Variants in MXD1 observed in about 807,000 individuals in gnomAD.
MXD1 encodes the protein MAX-binding protein.
Under a neutral mutation model 25.7 loss-of-function variants are expected in MXD1, and 9 were observed. The observed-to-expected ratio is 0.35, with a 90% CI of 0.21 to 0.61. The LOEUF is 0.61. Ranked by LOEUF, MXD1 falls within the 20% of genes least tolerant of loss-of-function variation. MXD1 has a pLI of 0.75. For missense variants in MXD1, 227 were observed against 292.4 expected, an observed-to-expected ratio of 0.78 and a Z score of 1.63; for synonymous variants, 99 against 113.9, an observed-to-expected ratio of 0.87 and a Z score of 0.83.
rs1366705293 is a variant in MXD1, at chr2:69,939,877, C to T, written c.*1593C>T. 2 of 152,542 alleles carry T rather than the reference C, an allele frequency of 1.3e-5. No individual in the cohort carries two copies. The highest frequency in any genetic ancestry group is 6.5e-5 in the Admixed American group (1 of 15,290). The allele number at this position is 152,542 out of a possible 1,614,324, so 9.4% of individuals were successfully genotyped here. ...CGCACACCACAGCCTGAAGCTCCCC[C>T]AGCGCCTGCACCTCGCACACAGCTA... is the stretch of plus-strand genomic sequence containing the variant. On this transcript the variant is annotated 3_prime_UTR_variant, in exon 6 of 6. Coordinates refer to ENST00000264444, the MANE Select transcript of MXD1 (RefSeq NM_002357.4).
At chr2:69,922,824 G>C (rs1677090788) in intron 3 of MXD1, among the ~76,000 whole-genome samples, 1 of 149,494 alleles carries the variant, frequency 6.7e-6, no homozygotes, top group South Asian at 2.1e-4. Context: ...AGGTTGCGGT[G>C]AGCCGAGATC....
intron 2 of MXD1, among the ~76,000 whole-genome samples, chr2:69,918,420 AAT>A (rs1677000039): frequency 6.6e-6 from 1 of 152,250 alleles, no homozygotes; most frequent in Admixed American, 6.5e-5. Flanking sequence ...TGAAATTGTG[AAT>A]ATCAATTGTT....
In MXD1 at chr2:69,921,450, G is replaced by A. The variant is rs540007345; in HGVS notation, c.174-286G>A. Among the ~76,000 whole-genome samples the A allele has an allele frequency of 1.2e-3, 187 of 152,232 alleles. 1 individual carries two copies. The highest frequency in any genetic ancestry group is 6.8e-3 in the Middle Eastern group (2 of 294). ...CACATTGCATCGTGCAGCTGTTTTT[G>A]TATAAATAGACCCCTTTTATTTCTT... On this transcript the variant is annotated intron_variant, in intron 2 of 5. Transcript: ENST00000264444.
Sources: allele counts gnomAD v4.1 joint callset (sites outside exome capture counted in the v4.1 genomes callset), GRCh38; gene constraint gnomAD v4.1.1; transcripts MANE v1.5; gene names NCBI Gene and HGNC (gene_info 2026-07-23, HGNC 2026-07-21).